Variants in ZNRF1 observed in about 807,000 individuals in gnomAD.
ZNRF1 encodes the protein E3 ubiquitin-protein ligase ZNRF1.
Under a neutral mutation model 18.4 loss-of-function variants are expected in ZNRF1, and 3 were observed. The observed-to-expected ratio is 0.16, with a 90% CI of 0.07 to 0.42. The LOEUF (loss-of-function observed/expected upper bound fraction) is 0.42, where lower values mean the gene tolerates loss of function less well. ZNRF1 is among the 10% of genes least tolerant of loss of function. The pLI is 0.99. For missense variants in ZNRF1, 310 were observed against 329.8 expected (o/e 0.94, Z 0.47); for synonymous variants, 157 against 144.2 (o/e 1.09, Z -0.64).
At chr16:75,011,720 A>G (rs1229268617) in intron 1 of ZNRF1, among the ~76,000 whole-genome samples, 1 of 152,230 alleles carries the variant, frequency 6.6e-6, no homozygotes, top group Non-Finnish European at 1.5e-5. Context: ...CTTGCAAGCT[A>G]GCTGCCATCC....
intron 1 of ZNRF1, among the ~76,000 whole-genome samples, chr16:75,031,590 C>T (rs1469600770): frequency 6.6e-6 from 1 of 152,122 alleles, no homozygotes; most frequent in Non-Finnish European, 1.5e-5. Flanking sequence ...TCACTGCAGC[C>T]TGACCTCCAA....
At chr16:75,032,061 T>C (rs370171987) in intron 1 of ZNRF1, among the ~76,000 whole-genome samples, 2 of 151,802 alleles carry the variant, frequency 1.3e-5, no homozygotes, top group African/African-American at 4.8e-5. Flanking sequence ...GGTATCATTA[T>C]AGTTTTGATT....
At chr16:75,106,597 G>A (rs2036319221) in intron 4 of ZNRF1, 26 bp downstream of exon 4, 15 of 1,605,684 alleles carry the variant, frequency 9.3e-6, no homozygotes, top group African/African-American at 4.0e-5. Flanking sequence ...GGGGTGCTCC[G>A]GGCTCAAGGC....
intron 1 of ZNRF1, among the ~76,000 whole-genome samples, chr16:75,014,846 T>C (rs745425773): frequency 2.6e-5 from 4 of 152,068 alleles, no homozygotes; most frequent in Non-Finnish European, 5.9e-5. Flanking sequence ...TGGGTATAAA[T>C]AGTATAATAT....
intron 1 of ZNRF1, among the ~76,000 whole-genome samples, chr16:75,068,856 C>G (rs1366823494): frequency 3.9e-5 from 6 of 152,086 alleles, no homozygotes; most frequent in Non-Finnish European, 7.4e-5. Flanking sequence ...AACATCTATT[C>G]CCTTACTTGT....
At chr16:75,009,749 T>A (rs1301230704) in intron 1 of ZNRF1, among the ~76,000 whole-genome samples, 1 of 152,126 alleles carries the variant, frequency 6.6e-6, no homozygotes, top group Non-Finnish European at 1.5e-5. Context: ...TTTATATTCC[T>A]ACCAACAGTG....
chr16:75,014,270 C>G (rs1289101822), intron 1 of ZNRF1, among the ~76,000 whole-genome samples: 2 of 152,202 alleles, frequency 1.3e-5, no homozygotes, highest in African/African-American at 4.8e-5. Context: ...CTCTTTCCCT[C>G]TCCAAAGGGA....
At chr16:75,051,238 C>T (rs545004045) in intron 1 of ZNRF1, among the ~76,000 whole-genome samples, 4 of 152,122 alleles carry the variant, frequency 2.6e-5, no homozygotes, top group South Asian at 2.1e-4. Context: ...GACGGAGTCT[C>T]ACTCTGTCGC....
chr16:75,055,012 G>A (rs949513774), intron 1 of ZNRF1, among the ~76,000 whole-genome samples: 5 of 152,204 alleles, frequency 3.3e-5, no homozygotes, highest in African/African-American at 1.2e-4. Flanking sequence ...GATCATATCA[G>A]CTCTCTAGAA....
chr16:75,035,480 T>A (rs1270737758), intron 1 of ZNRF1, among the ~76,000 whole-genome samples: 2 of 152,188 alleles, frequency 1.3e-5, no homozygotes, highest in Non-Finnish European at 2.9e-5. Context: ...ACCTCAATTC[T>A]TGGCTCCTCA....
rs1229500273 is a variant in ZNRF1, at chr16:75,104,678, G to A, written c.521-106G>A. 2.3e-5 allele frequency: 22 copies of A among 951,820 alleles called. No homozygotes were observed. The East Asian group carries it at 5.4e-4, about 23-fold the overall frequency. The allele number at this position is 951,820 out of a possible 1,614,324, so 59.0% of individuals were successfully genotyped here. A position where few individuals can be genotyped will look rare whatever the true frequency, so the allele number is the denominator to read the frequency against. ...TGTGTCCCCTGCAGAGCCGGGCACA[G>A]CTTGGGGCAGCTAAGCAGTCCCCTA... On this transcript the variant is annotated intron_variant, in intron 2 of 4. Transcript: ENST00000335325.
chr16:75,050,903 A>AAAAAAAC (rs1567478938), intron 1 of ZNRF1, among the ~76,000 whole-genome samples: 3 of 132,558 alleles, frequency 2.3e-5, no homozygotes, highest in African/African-American at 8.7e-5. Flanking sequence ...AAAAAACAAA[A>AAAAAAAC]AACTTGTAGC....
intron 1 of ZNRF1, among the ~76,000 whole-genome samples, chr16:75,075,646 A>G (rs2035930811): frequency 6.6e-6 from 1 of 152,232 alleles, no homozygotes; most frequent in East Asian, 1.9e-4. Context: ...AGCCCATCAT[A>G]TGCCAGGCTC....
chr16:75,035,598 T>C (rs903583326), intron 1 of ZNRF1, among the ~76,000 whole-genome samples: 4 of 152,160 alleles, frequency 2.6e-5, no homozygotes, highest in African/African-American at 7.2e-5. Context: ...AGAAGGGAAG[T>C]AAAGTACACT....
At position 75,010,711 on chromosome 16, in the gene ZNRF1, G is replaced by GTTTTTTTT. The variant is rs67210395; in HGVS notation, c.424+10623_424+10624insTTTTTTTT. On this transcript the variant is annotated intron_variant, in intron 1 of 4. Coordinates refer to ENST00000335325, the MANE Select transcript of ZNRF1 (RefSeq NM_032268.5). ...CCTCTGTACTGTACTGTTTTTTTTT[G>GTTTTTTTT]TTTTTTTGTTTTTTTTTTTTTGAGG... Among the ~76,000 whole-genome samples, 332 of 74,298 alleles carry GTTTTTTTT rather than the reference G, an allele frequency of 4.5e-3. 30 individuals are homozygous for GTTTTTTTT. The highest frequency in any genetic ancestry group is 6.7e-3 in the Non-Finnish European group (213 of 31,876). 48.7% of individuals were successfully genotyped at this position (74,298 alleles called of 152,430 possible).
intron 1 of ZNRF1, among the ~76,000 whole-genome samples, chr16:75,009,791 A>G (rs2034970456): frequency 6.6e-6 from 1 of 151,426 alleles, no homozygotes; most frequent in South Asian, 2.1e-4. Flanking sequence ...CATCCTTGCC[A>G]ATACTTGTTA....
At chr16:75,046,578 A>AT (rs1567477200) in intron 1 of ZNRF1, among the ~76,000 whole-genome samples, 1 of 150,260 alleles carries the variant, frequency 6.7e-6, no homozygotes, top group South Asian at 2.1e-4. Flanking sequence ...TTTTTTATTT[A>AT]TTTTTTTATT....
chr16:75,042,443 C>CTTTTTTTTTTTTTTTTTTTTTTTTT (rs56212046), intron 1 of ZNRF1, among the ~76,000 whole-genome samples: 1 of 116,964 alleles, frequency 8.5e-6, no homozygotes, highest in African/African-American at 3.2e-5. Flanking sequence ...CTGTTTCTTT[C>CTTTTTTTTTTTTTTTTTTTTTTTTT]TTTTTTTTTT....
intron 1 of ZNRF1, among the ~76,000 whole-genome samples, chr16:75,073,817 T>G (rs2035904364): frequency 6.6e-6 from 1 of 152,120 alleles, no homozygotes; most frequent in African/African-American, 2.4e-5. Context: ...GATTGACCTG[T>G]GTGAGGATTT....
Sources: allele counts gnomAD v4.1 joint callset (sites outside exome capture counted in the v4.1 genomes callset), GRCh38; gene constraint gnomAD v4.1.1; transcripts MANE v1.5; gene names NCBI Gene and HGNC (gene_info 2026-07-23, HGNC 2026-07-21).